The following COL11A1 variants were observed in gnomAD, a reference collection of about 807,000 sequenced individuals.
The protein encoded by COL11A1 is collagen type XI alpha 1 chain, also known as collagen alpha-1(XI) chain.
A neutral mutation model predicts 265.2 loss-of-function variants in COL11A1; 74 were observed. That is an observed-to-expected ratio of 0.28 (90% CI 0.23 to 0.34). COL11A1 has a LOEUF of 0.34. COL11A1 is among the 10% of genes least tolerant of loss of function. COL11A1 has a pLI of 1.00. For missense variants in COL11A1, 2,165 were observed against 2,263.6 expected, an observed-to-expected ratio of 0.96 and a Z score of 0.88; for synonymous variants, 816 against 727.6, an observed-to-expected ratio of 1.12 and a Z score of -1.96.
intron 4 of COL11A1, among the ~76,000 whole-genome samples, chr1:103,053,335 A>G (rs562122342): frequency 2.0e-5 from 3 of 152,254 alleles, no homozygotes; most frequent in African/African-American, 7.2e-5. Context: ...GTCCCAAAAT[A>G]TGGGACTTTA....
At chr1:103,070,988 CT>C (rs1233420327) in intron 4 of COL11A1, among the ~76,000 whole-genome samples, 7 of 151,856 alleles carry the variant, frequency 4.6e-5, no homozygotes, top group Non-Finnish European at 4.4e-5. Flanking sequence ...GCTAATCTTA[CT>C]TTTTTCAGGC....
rs761683692 is a variant in COL11A1, at chr1:102,898,119, A to T, written c.4302+6T>A. ...CTTTTTAAATGACTGAAAAGATCTT[A>T]CTCACCATAGGACCAGGTGGTCCAT... On this transcript the variant is annotated splice_donor_region_variant and intron_variant, in intron 57 of 66. Coordinates refer to ENST00000370096, the MANE Select transcript of COL11A1 (RefSeq NM_001854.4). The T allele has an allele frequency of 5.1e-6, 8 of 1,554,362 alleles. No individual in the cohort carries two copies. The African/African-American group carries it at 1.1e-4, about 21-fold the overall frequency.
chr1:103,056,494 C>CT (rs1264350795), intron 4 of COL11A1, among the ~76,000 whole-genome samples: 2 of 152,114 alleles, frequency 1.3e-5, no homozygotes, highest in East Asian at 3.9e-4. Flanking sequence ...GAATCCTGCA[C>CT]TTTTGTGAGT....
At chr1:102,878,520 C>CTTT (rs1032533150) in intron 66 of COL11A1, among the ~76,000 whole-genome samples, 13 of 46,972 alleles carry the variant, frequency 2.8e-4, no homozygotes, top group African/African-American at 6.5e-4. Flanking sequence ...TCTTTTCTTT[C>CTTT]TTTTTTTTTT....
chr1:103,031,388 T>C (rs1667990232), intron 4 of COL11A1, 144 bp from the exon 5 acceptor site: 3 of 1,013,614 alleles, frequency 3.0e-6, no homozygotes, highest in South Asian at 3.1e-5. Context: ...TTAAGAAGAG[T>C]CTTATAGGAT....
intron 4 of COL11A1, among the ~76,000 whole-genome samples, chr1:103,035,371 A>G (rs1194130761): frequency 6.6e-6 from 1 of 152,076 alleles, no homozygotes; most frequent in African/African-American, 2.4e-5. Flanking sequence ...CATTATCACC[A>G]CAAAAATGAG....
At chr1:102,991,420 T>C (rs1664114648) in intron 28 of COL11A1, among the ~76,000 whole-genome samples, 1 of 143,280 alleles carries the variant, frequency 7.0e-6, no homozygotes, top group East Asian at 2.4e-4. Flanking sequence ...TAATAATCAA[T>C]ATAAGGCACC....
intron 57 of COL11A1, among the ~76,000 whole-genome samples, chr1:102,893,298 AT>A (rs1651992290): frequency 6.6e-6 from 1 of 152,160 alleles, no homozygotes; most frequent in African/African-American, 2.4e-5. Context: ...TTCCATAAAT[AT>A]TATTCATGAA....
chr1:102,940,343 C>T lies in COL11A1; in HGVS notation c.3368G>A (p.Gly1123Glu). 6.2e-7 allele frequency: 1 copy of T among 1,613,834 alleles called. No individual in the cohort carries two copies. Among genetic ancestry groups the T allele is most frequent in the Non-Finnish European group, 8.5e-7 (1 of 1,179,828 alleles). The change falls in exon 43 of 67, where the codon GGG becomes GAG. Residue 1123 changes from glycine to glutamate, a missense_variant. By Grantham distance (98) the Gly-to-Glu change is moderately conservative. Transcript: ENST00000370096. ...PGPAGPAGSP[G>E]EDGDKGEIGE... ...AATACCAACCTTGTCTCCGTCTTCC[C>T]CAGGGGAGCCGGCAGGACCAGCTGG...
At chr1:102,964,734 G>T (rs184823400) in intron 38 of COL11A1, among the ~76,000 whole-genome samples, 1 of 152,086 alleles carries the variant, frequency 6.6e-6, no homozygotes, top group East Asian at 1.9e-4. Context: ...ATTAAAATAC[G>T]TATTCACCTG....
chr1:103,004,913 A>T (rs1665453372), intron 18 of COL11A1, among the ~76,000 whole-genome samples: 1 of 150,558 alleles, frequency 6.6e-6, no homozygotes, highest in Non-Finnish European at 1.5e-5. Flanking sequence ...GAGTTATGTA[A>T]AATAAGTATC....
Position 103,031,152 on chromosome 1 carries a change from G to C in COL11A1, c.744C>G (p.Pro248=). 1 of 1,613,064 alleles carries C rather than the reference G, an allele frequency of 6.2e-7. No individual in the cohort carries two copies. The change falls in exon 5 of 67, where the codon CCC becomes CCG. Residue 248 remains proline (P), a synonymous_variant. Coordinates refer to ENST00000370096, the MANE Select transcript of COL11A1 (RefSeq NM_001854.4). The part of the protein sequence containing the change: ...HYSPDCDSSA[P]KAAQAQEPQI... ...GAGGTTCCTGAGCTTGAGCAGCCTT[G>C]GGTGCTGAAGAGTCACAGTCTGGAC...
intron 57 of COL11A1, among the ~76,000 whole-genome samples, chr1:102,896,622 C>A (rs1002222109): frequency 6.6e-6 from 1 of 152,118 alleles, no homozygotes; most frequent in Non-Finnish European, 1.5e-5. Context: ...TTCCGCTTTA[C>A]CTAAAGGATT....
At chr1:102,897,201 T>C (rs1468817315) in intron 57 of COL11A1, among the ~76,000 whole-genome samples, 2 of 151,972 alleles carry the variant, frequency 1.3e-5, no homozygotes, top group East Asian at 3.9e-4. Flanking sequence ...CCAAAATTTT[T>C]CCTGAATGAA....
At chr1:102,919,283 T>C (rs1414569115) in intron 49 of COL11A1, among the ~76,000 whole-genome samples, 3 of 151,966 alleles carry the variant, frequency 2.0e-5, no homozygotes, top group South Asian at 2.1e-4. Context: ...AATCAAATAA[T>C]GATTATAATC....
In COL11A1 at chr1:102,961,843, CTATT is replaced by C; in HGVS notation, c.3168+19_3168+22del. 6.2e-7 allele frequency: 1 copy of C among 1,606,588 alleles called. No homozygotes were observed. The highest frequency in any genetic ancestry group is 8.5e-7 in the Non-Finnish European group (1 of 1,173,996). The stretch of plus-strand genomic sequence containing the variant: ...GTAATTCACAACCATGATTGTCTGG[CTATT>C]TATTATCATCATACTTACAACTGGA... On this transcript the variant is annotated intron_variant, in intron 41 of 66. Transcript: ENST00000370096.
chr1:103,034,889 C>A lies in COL11A1; in HGVS notation c.652-3645G>T, dbSNP rs76812138. ...TTATTTTTCTTTGTAGTTGTTGGTG[C>A]TTGTTCATTTAGTGATTTCCTTGAA... is the stretch of plus-strand genomic sequence containing the variant. On this transcript the variant is annotated intron_variant, in intron 4 of 66. Coordinates refer to ENST00000370096, the MANE Select transcript of COL11A1 (RefSeq NM_001854.4). Among the ~76,000 whole-genome samples the A allele has an allele frequency of 2.0e-5, 3 of 151,990 alleles. No homozygotes were observed. In the East Asian group the frequency reaches 5.8e-4, roughly 29 times the overall value.
intron 41 of COL11A1, among the ~76,000 whole-genome samples, chr1:102,960,277 TTAAG>T (rs1360056699): frequency 6.6e-6 from 1 of 152,146 alleles, no homozygotes; most frequent in Non-Finnish European, 1.5e-5. Context: ...ATTCCCAGTA[TTAAG>T]TAATGCTATA....
intron 4 of COL11A1, among the ~76,000 whole-genome samples, chr1:103,056,100 T>C (rs951283780): frequency 6.6e-6 from 1 of 152,190 alleles, no homozygotes; most frequent in East Asian, 1.9e-4. Context: ...CAAGGTTTTG[T>C]CCCAAGGGTG....
Sources: gnomAD v4.1 joint callset for allele counts (sites outside exome capture counted in the v4.1 genomes callset) on GRCh38, gnomAD v4.1.1 for gene constraint, MANE v1.5 for transcripts, NCBI Gene and HGNC (gene_info 2026-07-23, HGNC 2026-07-21) for gene names.